The following DENND5B variants were observed in gnomAD, a reference collection of about 807,000 sequenced individuals.
DENND5B encodes the protein DENN domain-containing protein 5B.
In DENND5B, 34 loss-of-function variants were observed where a neutral mutation model predicts 140.6. That is an observed-to-expected ratio of 0.24 (90% CI 0.18 to 0.32). The LOEUF (loss-of-function observed/expected upper bound fraction) is 0.32, where lower values mean the gene tolerates loss of function less well. DENND5B is among the 10% of genes least tolerant of loss of function. The pLI, the probability that DENND5B is intolerant of heterozygous loss-of-function variation, is 1.00. For missense variants in DENND5B, 1,142 were observed against 1,560.2 expected (o/e 0.73, Z 4.52); for synonymous variants, 551 against 562.1 (o/e 0.98, Z 0.28).
chr12:31,582,778 T>C (rs1474570874), intron 1 of DENND5B, among the ~76,000 whole-genome samples: 8 of 152,316 alleles, frequency 5.3e-5, no homozygotes, highest in Admixed American at 3.9e-4. Flanking sequence ...TAATTTCACT[T>C]GACGATAAGG....
At chr12:31,459,004 G>A (rs1400351956) in intron 4 of DENND5B, among the ~76,000 whole-genome samples, 1 of 152,042 alleles carries the variant, frequency 6.6e-6, no homozygotes, top group African/African-American at 2.4e-5. Context: ...CCTGAAGATG[G>A]GAGTTTGACA....
chr12:31,543,545 G>A (rs975561510), intron 1 of DENND5B, among the ~76,000 whole-genome samples: 2 of 152,162 alleles, frequency 1.3e-5, no homozygotes, highest in African/African-American at 4.8e-5. Context: ...GAAAAAAGGT[G>A]AGAAATTAGA....
intron 17 of DENND5B, among the ~76,000 whole-genome samples, chr12:31,394,984 A>G (rs1941357107): frequency 6.6e-6 from 1 of 152,150 alleles, no homozygotes; most frequent in Non-Finnish European, 1.5e-5. Flanking sequence ...TTCTATTATT[A>G]TATTGCTTTT....
At chr12:31,509,857 A>C (rs1947342768) in intron 1 of DENND5B, among the ~76,000 whole-genome samples, 1 of 152,180 alleles carries the variant, frequency 6.6e-6, no homozygotes, top group African/African-American at 2.4e-5. Context: ...AGCAAACTTG[A>C]AGGAGACAGA....
intron 17 of DENND5B, among the ~76,000 whole-genome samples, chr12:31,394,893 T>C (rs1941352155): frequency 6.6e-6 from 1 of 152,158 alleles, no homozygotes; most frequent in Non-Finnish European, 1.5e-5. Flanking sequence ...ATTACAGGCG[T>C]GAGCCACCGT....
rs777941037 is a variant in DENND5B at position 31,415,424 on chromosome 12, TTTC to T, written c.2492_2494del (p.Arg831del). On this transcript the variant is annotated inframe_deletion, in exon 12 of 21. Transcript: ENST00000389082. The stretch of plus-strand genomic sequence containing the variant: ...TGGCAACATAACTCCTGAGTCAGAT[TTTC>T]TTCTTTCTGGTCCGAGGGCAACTAT... The T allele has an allele frequency of 1.2e-6, 2 of 1,609,636 alleles. No homozygotes were observed. The highest frequency in any genetic ancestry group is 2.2e-5 in the South Asian group (2 of 90,062).
Position 31,462,958 on chromosome 12 carries a change from G to GA in DENND5B, c.905-2578dup, listed in dbSNP as rs568620155. Among the ~76,000 whole-genome samples the GA allele has an allele frequency of 2.3e-3, 342 of 147,478 alleles. 7 individuals are homozygous for GA. The East Asian group carries it at 0.055, about 24-fold the overall frequency. ...TGGGCAACAGTGAGACTCCGTCTCAGAAAAAAAAACAAAAAACAAAAAGCC... is the reference window on the plus strand; with the variant it reads ...TGGGCAACAGTGAGACTCCGTCTCAGAAAAAAAAAACAAAAAACAAAAAGCC... On this transcript the variant is annotated intron_variant, in intron 3 of 20. Coordinates refer to ENST00000389082, the MANE Select transcript of DENND5B (RefSeq NM_144973.4).
intron 1 of DENND5B, among the ~76,000 whole-genome samples, chr12:31,566,394 T>C (rs899472406): frequency 6.6e-6 from 1 of 150,572 alleles, no homozygotes; most frequent in South Asian, 2.1e-4. Flanking sequence ...ACTTTTATTA[T>C]TGTTATTAAA....
chr12:31,472,638 T>C (rs1019610923), intron 3 of DENND5B, among the ~76,000 whole-genome samples: 4 of 152,066 alleles, frequency 2.6e-5, no homozygotes, highest in African/African-American at 9.7e-5. Context: ...GCATGGACTA[T>C]AAGGACCCTC....
intron 4 of DENND5B, among the ~76,000 whole-genome samples, chr12:31,454,165 C>T (rs555933376): frequency 2.7e-5 from 4 of 149,476 alleles, no homozygotes; most frequent in African/African-American, 7.3e-5. Flanking sequence ...AAAAAAATTT[C>T]GGTTTCCCTC....
intron 13 of DENND5B, among the ~76,000 whole-genome samples, chr12:31,412,752 A>C (rs986677931): frequency 6.6e-6 from 1 of 151,986 alleles, no homozygotes; most frequent in African/African-American, 2.4e-5. Context: ...GAACTTTATT[A>C]TTTCTTTCTT....
intron 7 of DENND5B, among the ~76,000 whole-genome samples, chr12:31,442,169 CAGTTTAAGGCAGAGGTG>C (rs768080796): frequency 2.2e-4 from 33 of 152,144 alleles, no homozygotes; most frequent in Non-Finnish European, 4.1e-4. Context: ...TAACAGAACC[CAGTTTAAGGCAGAGGTG>C]AGACATCTGA....
intron 1 of DENND5B, among the ~76,000 whole-genome samples, chr12:31,553,965 G>A (rs1303130832): frequency 5.9e-5 from 9 of 152,154 alleles, no homozygotes; most frequent in East Asian, 1.9e-4. Context: ...GTCTCTGCAC[G>A]TGAGATGGGT....
chr12:31,479,772 G>T lies in DENND5B; in HGVS notation c.721C>A (p.Pro241Thr). 6.2e-7 allele frequency: 1 copy of T among 1,609,664 alleles called. No individual in the cohort carries two copies. The highest frequency in any genetic ancestry group is 8.5e-7 in the Non-Finnish European group (1 of 1,177,888). Residue 241 changes from proline to threonine, a missense_variant, in exon 3 of 21, where the codon CCA (proline) becomes ACA (threonine). Coordinates refer to ENST00000389082, the MANE Select transcript of DENND5B (RefSeq NM_144973.4). Reference sequence around the variant, plus strand: ...CCATAAAATTTCAGTGACCTCCCTGGAGGTGGAAGGGGTACTTCATAAAGA... The same window carrying T: ...CCATAAAATTTCAGTGACCTCCCTGTAGGTGGAAGGGGTACTTCATAAAGA... ...NILYEVPLPPPGRSLKFYGVY... is the reference protein window; with the variant it reads ...NILYEVPLPPTGRSLKFYGVY...
chr12:31,516,938 CA>C (rs1464114026), intron 1 of DENND5B, among the ~76,000 whole-genome samples: 2 of 151,698 alleles, frequency 1.3e-5, no homozygotes, highest in Non-Finnish European at 2.9e-5. Context: ...GACCCTATCT[CA>C]AAAAAATTAA....
intron 1 of DENND5B, among the ~76,000 whole-genome samples, chr12:31,535,409 GACACACAC>G: frequency 6.7e-6 from 1 of 150,068 alleles, no homozygotes; most frequent in Admixed American, 6.7e-5. Flanking sequence ...GAGAGAGAGA[GACACACAC>G]ACACACACAC....
At chr12:31,437,429 T>C (rs1309204438) in intron 7 of DENND5B, among the ~76,000 whole-genome samples, 1 of 152,172 alleles carries the variant, frequency 6.6e-6, no homozygotes, top group East Asian at 1.9e-4. Flanking sequence ...CCACCATGCC[T>C]GGCCATCATC....
Position 31,390,409 on chromosome 12 carries a change from C to T in DENND5B, c.3467-911G>A, listed in dbSNP as rs370372040. 9.6e-4 allele frequency among the ~76,000 whole-genome samples: 146 copies of T among 151,996 alleles called. 2 individuals carry two copies. In the East Asian group the frequency reaches 0.025, roughly 26 times the overall value. The stretch of plus-strand genomic sequence containing the variant: ...ATCCCAGCACTTTGGGAGGCCAAGG[C>T]GGGCAGATCACCTGAGTTCGGGAGT... On this transcript the variant is annotated intron_variant, in intron 19 of 20. Transcript: ENST00000389082.
At chr12:31,415,157 T>A (rs1942663946) in intron 12 of DENND5B, among the ~76,000 whole-genome samples, 1 of 152,088 alleles carries the variant, frequency 6.6e-6, no homozygotes, top group African/African-American at 2.4e-5. Flanking sequence ...GCTTTAAAAC[T>A]CTTCTCAGCT....
Sources: allele counts gnomAD v4.1 joint callset (sites outside exome capture counted in the v4.1 genomes callset), GRCh38; gene constraint gnomAD v4.1.1; transcripts MANE v1.5; gene names NCBI Gene and HGNC (gene_info 2026-07-23, HGNC 2026-07-21).